MAP4K4: variants seen among roughly 807,000 people sequenced by gnomAD.
The protein encoded by MAP4K4 is mitogen-activated protein kinase kinase kinase kinase 4, also known as HPK/GCK-like kinase HGK.
MAP4K4 carries 38 observed loss-of-function variants against 189.6 expected under a neutral mutation model. That is an observed-to-expected ratio of 0.20 (90% CI 0.15 to 0.26). The LOEUF (loss-of-function observed/expected upper bound fraction) is 0.26. Ranked by LOEUF, MAP4K4 falls within the 10% of genes least tolerant of loss-of-function variation. The pLI is 1.00. For missense variants in MAP4K4, 1,054 were observed against 1,726.9 expected (o/e 0.61, Z 6.91); for synonymous variants, 610 against 624.3 (o/e 0.98, Z 0.34).
chr2:101,820,603 A>G (rs1465141553), intron 3 of MAP4K4, among the ~76,000 whole-genome samples: 1 of 152,230 alleles, frequency 6.6e-6, no homozygotes, highest in Non-Finnish European at 1.5e-5. Flanking sequence ...TTAATTAACC[A>G]TGGACCTTAT....
intron 21 of MAP4K4, among the ~76,000 whole-genome samples, chr2:101,869,233 T>A (rs1277220193): frequency 6.6e-6 from 1 of 152,002 alleles, no homozygotes; most frequent in Non-Finnish European, 1.5e-5. Flanking sequence ...AAAGAAGACT[T>A]TGTCATGTAG....
At chr2:101,865,027 A>T (rs1288321465) in exon 18 of MAP4K4, 27 of 1,561,500 alleles carry the variant, frequency 1.7e-5, no homozygotes, top group Non-Finnish European at 2.6e-6. Context: ...GGACAGAGAA[A>T]CTCCACCAGG....
chr2:101,844,206 A>G (rs763239213), exon 12 of MAP4K4: 2 of 1,606,488 alleles, frequency 1.2e-6, no homozygotes, highest in Middle Eastern at 1.7e-4. Flanking sequence ...AACAGTTACT[A>G]CAGGAGCAAC....
At chr2:101,850,018 T>TA (rs2149688602) in intron 12 of MAP4K4, among the ~76,000 whole-genome samples, 1 of 152,284 alleles carries the variant, frequency 6.6e-6, no homozygotes, top group South Asian at 2.1e-4. Flanking sequence ...AGCTGGTATT[T>TA]AAAAAAATTT....
intron 15 of MAP4K4, chr2:101,860,345 T>C (rs1192444820): frequency 4.9e-6 from 1 of 203,956 alleles, no homozygotes; most frequent in Admixed American, 5.3e-5. Context: ...GGGCGACAGG[T>C]GTGCCTCCAG....
At chr2:101,872,107 A>G (rs2098047678) in intron 24 of MAP4K4, among the ~76,000 whole-genome samples, 1 of 151,730 alleles carries the variant, frequency 6.6e-6, no homozygotes, top group Non-Finnish European at 1.5e-5. Flanking sequence ...GCTTGGCCTT[A>G]TCTGGACAAA....
intron 2 of MAP4K4, among the ~76,000 whole-genome samples, chr2:101,730,877 C>T (rs949569858): frequency 1.2e-4 from 18 of 151,774 alleles, no homozygotes; most frequent in Middle Eastern, 3.2e-3. Context: ...GAAACCCCAT[C>T]TCTACAAAAA....
At chr2:101,714,009 A>T (rs1174392975) in intron 2 of MAP4K4, among the ~76,000 whole-genome samples, 1 of 152,042 alleles carries the variant, frequency 6.6e-6, no homozygotes, top group Non-Finnish European at 1.5e-5. Context: ...GACAAGAGCC[A>T]ATATTTTAAT....
chr2:101,829,773 A>C, intron 6 of MAP4K4, 179 bp downstream of exon 6: 1 of 539,844 alleles, frequency 1.9e-6, no homozygotes, highest in Non-Finnish European at 3.4e-6. Context: ...CCCCACTTCC[A>C]TGTTTGTGCC....
intron 12 of MAP4K4, among the ~76,000 whole-genome samples, chr2:101,847,016 C>T (rs1474264646): frequency 2.0e-5 from 3 of 152,182 alleles, no homozygotes; most frequent in Non-Finnish European, 4.4e-5. Flanking sequence ...TGTGCACTCC[C>T]TTCCATATAT....
chr2:101,709,510 A>G (rs1317464226), intron 2 of MAP4K4, among the ~76,000 whole-genome samples: 1 of 152,198 alleles, frequency 6.6e-6, no homozygotes, highest in Admixed American at 6.5e-5. Flanking sequence ...GCTTTAAGTC[A>G]TTTTTAAAAA....
At position 101,842,390 on chromosome 2, in the gene MAP4K4, A is replaced by T. The variant is rs552187053; in HGVS notation, c.950-219A>T. Among the ~76,000 whole-genome samples, 10 of 152,284 alleles carry T rather than the reference A, an allele frequency of 6.6e-5. No homozygotes were observed. In the South Asian group the frequency reaches 1.9e-3, roughly 28 times the overall value. ...TACAAGGTTGGCTCGAATGCCGTGG[A>T]ATCAGCTTTTCTGTGGGGAGTAAGG... On this transcript the variant is annotated intron_variant, in intron 10 of 32. Coordinates refer to ENST00000324219, the Ensembl canonical transcript of MAP4K4.
At chr2:101,873,943 A>G (rs2098126554) in intron 25 of MAP4K4, 139 bp from the exon 26 acceptor site, 1 of 821,592 alleles carries the variant, frequency 1.2e-6, no homozygotes, top group Non-Finnish European at 1.9e-6. Context: ...CTTTTTCCAT[A>G]TACATTGCTT....
intron 12 of MAP4K4, among the ~76,000 whole-genome samples, chr2:101,855,005 C>T (rs578067144): frequency 2.5e-4 from 38 of 152,312 alleles, no homozygotes; most frequent in Middle Eastern, 3.4e-3. Flanking sequence ...CGGAGCAGTG[C>T]AGAGACAGAA....
intron 32 of MAP4K4, 53 bp downstream of exon 32, chr2:101,888,988 T>C: frequency 6.9e-7 from 1 of 1,443,326 alleles, no homozygotes; most frequent in Non-Finnish European, 9.4e-7. Flanking sequence ...TAATAATGGC[T>C]TGTTTTCCAT....
intron 2 of MAP4K4, among the ~76,000 whole-genome samples, chr2:101,763,212 C>T (rs2077215402): frequency 6.6e-6 from 1 of 152,156 alleles, no homozygotes; most frequent in African/African-American, 2.4e-5. Context: ...GACTGAGAGA[C>T]ACAAGAAGGA....
At chr2:101,752,946 G>A (rs1558737582) in intron 2 of MAP4K4, among the ~76,000 whole-genome samples, 1 of 152,182 alleles carries the variant, frequency 6.6e-6, no homozygotes, top group Non-Finnish European at 1.5e-5. Context: ...GATAGTCATG[G>A]CATTCAAGGC....
At chr2:101,785,706 C>CTTTTCCTTTTT (rs1558914088) in intron 2 of MAP4K4, among the ~76,000 whole-genome samples, 6 of 5,258 alleles carry the variant, frequency 1.1e-3, no homozygotes, top group African/African-American at 2.5e-3. Context: ...CTCTCTCTCT[C>CTTTTCCTTTTT]TCTCTCTCTC....
chr2:101,847,178 C>T (rs1181350298), intron 12 of MAP4K4, among the ~76,000 whole-genome samples: 1 of 152,100 alleles, frequency 6.6e-6, no homozygotes, highest in African/African-American at 2.4e-5. Flanking sequence ...ACCTGTTACT[C>T]ATGATTGTGG....
Sources: gnomAD v4.1 joint callset for allele counts (sites outside exome capture counted in the v4.1 genomes callset) on GRCh38, gnomAD v4.1.1 for gene constraint, MANE v1.5 for transcripts, NCBI Gene and HGNC (gene_info 2026-07-23, HGNC 2026-07-21) for gene names.